TENM3: variants seen among roughly 807,000 people sequenced by gnomAD.
TENM3 encodes teneurin-3.
In TENM3, 63 loss-of-function variants were observed where a neutral mutation model predicts 255.1. The ratio of observed to expected loss-of-function variants is 0.25; its 90% CI spans 0.20 to 0.30. The LOEUF (loss-of-function observed/expected upper bound fraction) is 0.30, where lower values mean the gene tolerates loss of function less well. TENM3 is among the 10% of genes least tolerant of loss of function. The probability of loss-of-function intolerance (pLI) is 1.00; values close to 1 mark genes in which losing one functional copy is unlikely to be tolerated. For synonymous variants in TENM3, 1,306 were observed against 1,322.3 expected (o/e 0.99, Z 0.27); for missense variants, 2,929 against 3,461.1 (o/e 0.85, Z 3.86).
chr4:181,899,670 T>G, the TENM3 span, among the ~76,000 whole-genome samples: 12 of 152,050 alleles, frequency 7.9e-5, no homozygotes, highest in African/African-American at 2.7e-4. Flanking sequence ...CGGGTTCAAG[T>G]GATTCTCCTG....
chr4:182,684,741 C>G (rs1391755032), intron 11 of TENM3, among the ~76,000 whole-genome samples: 1 of 152,126 alleles, frequency 6.6e-6, no homozygotes, highest in African/African-American at 2.4e-5. Context: ...AATTTCTCAT[C>G]AATTCAGAGG....
At chr4:181,733,680 T>A in the TENM3 span, among the ~76,000 whole-genome samples, 1 of 152,246 alleles carries the variant, frequency 6.6e-6, no homozygotes, top group African/African-American at 2.4e-5. Context: ...ATGGGGCTTA[T>A]GGTTGGGGAA....
chr4:182,743,337 G>A lies in TENM3; in HGVS notation c.3547G>A (p.Asp1183Asn), dbSNP rs759146233. ...LAPVALACGI[D>N]GSLYVGDFNY... The stretch of plus-strand genomic sequence containing the variant: ...CCCAGTGGCGCTAGCTTGTGGGATC[G>A]ATGGCAGTCTGTACGTAGGCGATTT... Residue 1183 changes from aspartate to asparagine, a missense_variant, in exon 19 of 28, where the codon GAT becomes AAT. Physicochemically the swap from Asp to Asn is conservative, Grantham distance 23. Around this residue, in one of 6 missense-constraint regions of TENM3, gnomAD observed 1,608 missense variants for 1,884.4 expected, o/e 0.85. Coordinates refer to ENST00000511685, the MANE Select transcript of TENM3 (RefSeq NM_001080477.4). The A allele has an allele frequency of 4.5e-5, 72 of 1,613,862 alleles. No homozygotes were observed. The Admixed American group carries it at 4.5e-4, about 10-fold the overall frequency.
intron 1 of TENM3, among the ~76,000 whole-genome samples, chr4:182,178,950 A>G (rs542836345): frequency 1.3e-5 from 2 of 152,350 alleles, no homozygotes; most frequent in African/African-American, 4.8e-5. Context: ...ACCAGAGTGT[A>G]TATTTTAGAG....
chr4:182,164,550 A>G (rs1258959331), intron 1 of TENM3, among the ~76,000 whole-genome samples: 1 of 152,058 alleles, frequency 6.6e-6, no homozygotes, highest in Non-Finnish European at 1.5e-5. Context: ...CACACCTCAA[A>G]TTGATCTTTT....
At position 182,754,846 on chromosome 4, in the gene TENM3, C is replaced by G; in HGVS notation, c.4479C>G (p.Ile1493Met). 2.5e-6 allele frequency: 4 copies of G among 1,614,004 alleles called. No individual in the cohort carries two copies. Among genetic ancestry groups the G allele is most frequent in the Non-Finnish European group, 3.4e-6 (4 of 1,179,900 alleles). The change falls in exon 22 of 28, where the codon ATC becomes ATG. Residue 1493 changes from isoleucine (I) to methionine (M), a missense_variant. By Grantham distance (10) the Ile-to-Met change is conservative. Around this residue, in one of 6 missense-constraint regions of TENM3, gnomAD observed 1,608 missense variants for 1,884.4 expected, o/e 0.85. Transcript: ENST00000511685. This position sits in a 1 kb window ranked among gnomAD's most constrained non-coding sequence, Gnocchi z 5.1. The part of the protein sequence containing the change: ...GTLYIADLGN[I>M]RIRAVSKNKP... ...TGTATATTGCAGATCTAGGGAATAT[C>G]CGGATCCGGGCTGTGTCAAAGAATA...
the TENM3 span, among the ~76,000 whole-genome samples, chr4:181,858,549 C>G: frequency 6.6e-6 from 1 of 152,138 alleles, no homozygotes; most frequent in Non-Finnish European, 1.5e-5. Context: ...GCATGTGATA[C>G]GTTCCTGCTC....
chr4:182,347,044 C>A (rs1580238987), intron 3 of TENM3, 115 bp downstream of exon 3: 1 of 926,362 alleles, frequency 1.1e-6, no homozygotes, highest in Non-Finnish European at 1.6e-6. Flanking sequence ...TTCTTTCTCT[C>A]TCTTTCTTGT....
chr4:181,546,700 C>A, the TENM3 span, among the ~76,000 whole-genome samples: 1 of 123,968 alleles, frequency 8.1e-6, no homozygotes. Flanking sequence ...GGCGACAGAG[C>A]GAGACTCCGT....
At chr4:182,781,941 CTCT>C (rs1307411358) in intron 24 of TENM3, among the ~76,000 whole-genome samples, 5 of 148,386 alleles carry the variant, frequency 3.4e-5, no homozygotes, top group Non-Finnish European at 7.5e-5. Flanking sequence ...AGATTCTTCT[CTCT>C]TTTTTTCTTT....
intron 6 of TENM3, among the ~76,000 whole-genome samples, chr4:182,655,603 G>A (rs1251556418): frequency 6.6e-6 from 1 of 152,106 alleles, no homozygotes; most frequent in Non-Finnish European, 1.5e-5. Flanking sequence ...AACTTTGGGC[G>A]GCGTGCTTGG....
the TENM3 span, among the ~76,000 whole-genome samples, chr4:181,664,733 G>T: frequency 6.6e-6 from 1 of 152,060 alleles, no homozygotes; most frequent in Non-Finnish European, 1.5e-5. Context: ...GCAGGACTTG[G>T]CGGCCCGTGA....
chr4:181,563,554 G>A, the TENM3 span, among the ~76,000 whole-genome samples: 26,107 of 152,136 alleles, frequency 0.17, 2,687 homozygotes, highest in African/African-American at 0.27. Flanking sequence ...AAAAACCTTG[G>A]AAGATAGTCT....
At chr4:181,674,743 A>G in the TENM3 span, among the ~76,000 whole-genome samples, 1 of 151,994 alleles carries the variant, frequency 6.6e-6, no homozygotes, top group Admixed American at 6.6e-5. Context: ...CAATGTGCAT[A>G]CTCTATTGGT....
chr4:182,582,112 C>CA, intron 3 of TENM3, among the ~76,000 whole-genome samples: 1 of 152,288 alleles, frequency 6.6e-6, no homozygotes, highest in South Asian at 2.1e-4. Flanking sequence ...CTTCTGCTAT[C>CA]ACGGCTGGAC....
chr4:181,797,473 A>G, the TENM3 span, among the ~76,000 whole-genome samples: 1 of 152,156 alleles, frequency 6.6e-6, no homozygotes, highest in Non-Finnish European at 1.5e-5. Context: ...GGTAGGCTCT[A>G]TCGGTATAAC....
the TENM3 span, among the ~76,000 whole-genome samples, chr4:181,931,259 G>A: frequency 6.6e-6 from 1 of 152,136 alleles, no homozygotes. Flanking sequence ...TGTATATTTG[G>A]AAAACCCCAT....
At chr4:181,545,980 T>C in the TENM3 span, among the ~76,000 whole-genome samples, 1 of 152,226 alleles carries the variant, frequency 6.6e-6, no homozygotes, top group Non-Finnish European at 1.5e-5. Flanking sequence ...AATATAATGA[T>C]GGGATAGTTC....
chr4:181,568,289 G>C, the TENM3 span, among the ~76,000 whole-genome samples: 1 of 151,128 alleles, frequency 6.6e-6, no homozygotes, highest in Admixed American at 6.6e-5. Flanking sequence ...TCAGCCTCCC[G>C]AGTAGCTGAG....
Sources: gnomAD v4.1 joint callset for allele counts (sites outside exome capture counted in the v4.1 genomes callset) on GRCh38, gnomAD v4.1.1 for gene constraint, gnomAD v4.1.1 regional missense constraint, Gnocchi (gnomAD v3.1) non-coding constraint, MANE v1.5 for transcripts, NCBI Gene and HGNC (gene_info 2026-07-23, HGNC 2026-07-21) for gene names.